Variants in TICRR observed in about 807,000 individuals in gnomAD.
TICRR encodes the protein TOPBP1 interacting checkpoint and replication regulator.
A neutral mutation model predicts 178.1 loss-of-function variants in TICRR; 132 were observed. That is an observed-to-expected ratio of 0.74 (90% CI 0.64 to 0.86). The LOEUF is 0.86. TICRR is among the 40% of genes least tolerant of loss of function. TICRR has a pLI of 0.00. For missense variants in TICRR, 2,587 were observed against 2,334.3 expected (o/e 1.11, Z -2.23); for synonymous variants, 991 against 900.7 (o/e 1.10, Z -1.79).
chr15:89,599,002 C>T (rs115236061), intron 7 of TICRR, among the ~76,000 whole-genome samples: 1 of 152,052 alleles, frequency 6.6e-6, no homozygotes, highest in Non-Finnish European at 1.5e-5. Flanking sequence ...CAGAGTAAGA[C>T]CTTGTCTCAA....
chr15:89,599,209 A>C, intron 7 of TICRR, 115 bp from the exon 8 acceptor site: 4 of 819,300 alleles, frequency 4.9e-6, no homozygotes, highest in Non-Finnish European at 7.1e-6. Flanking sequence ...CAATCCAGAC[A>C]AGGCCAAATG....
In TICRR at chr15:89,618,804, A is replaced by T. The variant is rs528068719; in HGVS notation, c.3019+594A>T. On this transcript the variant is annotated intron_variant, in intron 17 of 21. Transcript: ENST00000268138. ...GAGGTGCTGTGTCTATAAAAAATTT[A>T]AAAAATCAGCTGGTCATGTTGGCAT... 1.2e-4 allele frequency among the ~76,000 whole-genome samples: 18 copies of T among 152,296 alleles called. No individual in the cohort carries two copies. In the South Asian group the frequency reaches 2.3e-3, roughly 19 times the overall value.
At position 89,618,245 on chromosome 15, in the gene TICRR, T is replaced by A. The variant is rs780006636; in HGVS notation, c.3019+35T>A. 5.0e-6 allele frequency: 8 copies of A among 1,592,350 alleles called. No individual in the cohort carries two copies. In the East Asian group the frequency reaches 1.8e-4, roughly 36 times the overall value. On this transcript the variant is annotated intron_variant, in intron 17 of 21. Coordinates refer to ENST00000268138, the MANE Select transcript of TICRR (RefSeq NM_152259.4). ...ATCTCTTTTTGTTTTTAATGCAATC[T>A]ACCCAGCTTCTATGAAAACCTTTCT...
intron 17 of TICRR, 48 bp from the exon 18 acceptor site, chr15:89,619,660 C>T (rs1963391958): frequency 6.4e-7 from 1 of 1,559,640 alleles, no homozygotes; most frequent in Non-Finnish European, 8.6e-7. Flanking sequence ...GAGAAAATGT[C>T]AAGCTTGTAG....
At chr15:89,623,512 C>A in intron 19 of TICRR, 111 bp from the exon 20 acceptor site, 1 of 1,118,834 alleles carries the variant, frequency 8.9e-7, no homozygotes, top group Non-Finnish European at 1.3e-6. Context: ...ATCTTTAGAT[C>A]ATTCCTTTGG....
intron 15 of TICRR, among the ~76,000 whole-genome samples, chr15:89,615,848 T>A (rs1395947478): frequency 6.6e-6 from 1 of 152,152 alleles, no homozygotes; most frequent in African/African-American, 2.4e-5. Context: ...ATTTTCATTT[T>A]TTCAGGATTG....
At position 89,575,691 on chromosome 15, in the gene TICRR, T is replaced by C; in HGVS notation, c.105T>C (p.Ser35=). Reference sequence around the variant, plus strand: ...CCCTGCGCCTCCTCACCTATCTGAGTTGCCGATTCGGCCTGGCCAGGGTCC... The same window carrying C: ...CCCTGCGCCTCCTCACCTATCTGAGCTGCCGATTCGGCCTGGCCAGGGTCC... ...RAALRLLTYL[S]CRFGLARVHW... Residue 35 remains serine, a synonymous_variant, in exon 1 of 22, where the codon AGT becomes AGC. Coordinates refer to ENST00000268138, the MANE Select transcript of TICRR (RefSeq NM_152259.4). 1.9e-6 allele frequency: 3 copies of C among 1,604,528 alleles called. No homozygotes were observed. The highest frequency in any genetic ancestry group is 2.5e-6 in the Non-Finnish European group (3 of 1,176,972).
At chr15:89,603,461 T>C (rs1381218243) in intron 13 of TICRR, among the ~76,000 whole-genome samples, 2 of 152,272 alleles carry the variant, frequency 1.3e-5, no homozygotes, top group African/African-American at 4.8e-5. Flanking sequence ...GGCACATGCC[T>C]GTAGGCCCAG....
chr15:89,626,677 A>G (rs542538170), intron 21 of TICRR, among the ~76,000 whole-genome samples: 8 of 152,254 alleles, frequency 5.3e-5, no homozygotes, highest in African/African-American at 1.9e-4. Flanking sequence ...CAGAGATCTG[A>G]GACCTAGAAA....
intron 13 of TICRR, among the ~76,000 whole-genome samples, chr15:89,605,212 G>C (rs1963156856): frequency 1.3e-5 from 2 of 152,154 alleles, no homozygotes; most frequent in Non-Finnish European, 2.9e-5. Context: ...ATTCAGTTCT[G>C]CTATAGTGGA....
intron 4 of TICRR, among the ~76,000 whole-genome samples, chr15:89,589,426 C>T (rs918867313): frequency 6.6e-6 from 1 of 152,056 alleles, no homozygotes; most frequent in Non-Finnish European, 1.5e-5. Context: ...AAAGCCCTGC[C>T]CAGGCGGCCA....
chr15:89,579,335 C>T (rs995502804), intron 1 of TICRR, among the ~76,000 whole-genome samples: 2 of 151,968 alleles, frequency 1.3e-5, no homozygotes, highest in African/African-American at 2.4e-5. Flanking sequence ...CTATAGTATA[C>T]TGTTTGTATT....
rs760555089 is a variant in TICRR at position 89,625,288 on chromosome 15, T to C, written c.4978T>C (p.Phe1660Leu). ...THGPSSTPSP[F>L]QTDGVPWTPS... ...CGGCCCTTCTAGTACCCCCTCTCCA[T>C]TTCAAACAGATGGGGTTCCTTGGAC... The change falls in exon 20 of 22, where the codon TTT becomes CTT. Residue 1660 changes from phenylalanine to leucine, a missense_variant. Phe to Leu is a conservative substitution (Grantham distance 22, BLOSUM62 0). Transcript: ENST00000268138. 1.2e-5 allele frequency: 20 copies of C among 1,614,030 alleles called. No homozygotes were observed. In the South Asian group the frequency reaches 2.1e-4, roughly 17 times the overall value.
In TICRR at chr15:89,601,494, A is replaced by C; in HGVS notation, c.2253A>C (p.Thr751=). The C allele has an allele frequency of 6.2e-7, 1 of 1,614,230 alleles. No individual in the cohort carries two copies. Among genetic ancestry groups the C allele is most frequent in the South Asian group, 1.1e-5 (1 of 91,088 alleles). ...DDMEQVVEEV[T]DLLRMVCLTE... Reference sequence around the variant, plus strand: ...CGTTCTAAAATCTCCTTCAGGTGACAGATTTGCTGCGCATGGTGTGTTTAA... The same window carrying C: ...CGTTCTAAAATCTCCTTCAGGTGACCGATTTGCTGCGCATGGTGTGTTTAA... The change falls in exon 11 of 22, where the codon ACA becomes ACC. Residue 751 remains threonine (T), a synonymous_variant. Coordinates refer to ENST00000268138, the MANE Select transcript of TICRR (RefSeq NM_152259.4).
intron 16 of TICRR, among the ~76,000 whole-genome samples, chr15:89,617,715 C>T (rs1163487895): frequency 1.6e-5 from 2 of 126,848 alleles, no homozygotes; most frequent in Non-Finnish European, 3.2e-5. Context: ...TTTTTTGAGA[C>T]AGAGTCTAGC....
intron 15 of TICRR, among the ~76,000 whole-genome samples, chr15:89,609,737 A>G (rs1963229356): frequency 2.0e-5 from 3 of 150,886 alleles, no homozygotes; most frequent in Admixed American, 2.0e-4. Context: ...AGCCTCCCAA[A>G]GTGCTGAGAT....
chr15:89,576,333 G>A, intron 1 of TICRR, 93 bp downstream of exon 1: 1 of 1,186,678 alleles, frequency 8.4e-7, no homozygotes, highest in Non-Finnish European at 1.1e-6. Context: ...CACAGACCCC[G>A]AATGAGACTA....
intron 15 of TICRR, among the ~76,000 whole-genome samples, chr15:89,613,894 C>T (rs942910329): frequency 3.3e-5 from 5 of 152,094 alleles, no homozygotes; most frequent in Non-Finnish European, 5.9e-5. Context: ...GTGGCTCACG[C>T]CTGTAATCCC....
chr15:89,616,886 T>A (rs1195515317), intron 16 of TICRR, among the ~76,000 whole-genome samples: 2 of 152,232 alleles, frequency 1.3e-5, no homozygotes, highest in Non-Finnish European at 2.9e-5. Flanking sequence ...CAGCGATTGG[T>A]TGGAGTAGGG....
Sources: allele counts gnomAD v4.1 joint callset (sites outside exome capture counted in the v4.1 genomes callset), GRCh38; gene constraint gnomAD v4.1.1; transcripts MANE v1.5; gene names NCBI Gene and HGNC (gene_info 2026-07-23, HGNC 2026-07-21).